Variants in PTPRK observed in about 807,000 individuals in gnomAD.
PTPRK encodes protein tyrosine phosphatase receptor type K.
In PTPRK, 75 loss-of-function variants were observed where a neutral mutation model predicts 178.0. That is an observed-to-expected ratio of 0.42 (90% CI 0.35 to 0.51). PTPRK has a LOEUF of 0.51. PTPRK is among the 20% of genes least tolerant of loss of function. PTPRK has a pLI of 0.02. For missense variants in PTPRK, 1,441 were observed against 1,797.8 expected (o/e 0.80, Z 3.59); for synonymous variants, 637 against 620.6 (o/e 1.03, Z -0.39).
chr6:128,339,132 C>G (rs1273762415), intron 2 of PTPRK, among the ~76,000 whole-genome samples: 2 of 152,074 alleles, frequency 1.3e-5, no homozygotes, highest in Admixed American at 1.3e-4. Flanking sequence ...ATGTAGCAAT[C>G]TGATTACAAA....
At chr6:128,006,690 G>A (rs1778460003) in intron 14 of PTPRK, among the ~76,000 whole-genome samples, 1 of 150,832 alleles carries the variant, frequency 6.6e-6, no homozygotes. Flanking sequence ...TTATGTTTGA[G>A]TTATTAATGT....
chr6:128,320,252 T>C (rs1256071541), intron 3 of PTPRK, among the ~76,000 whole-genome samples: 1 of 152,162 alleles, frequency 6.6e-6, no homozygotes, highest in Non-Finnish European at 1.5e-5. Flanking sequence ...TGTAACTTAA[T>C]AGTAGAATTA....
chr6:128,478,812 G>C (rs1055457514), intron 1 of PTPRK, among the ~76,000 whole-genome samples: 1 of 152,086 alleles, frequency 6.6e-6, no homozygotes, highest in Non-Finnish European at 1.5e-5. Context: ...AGCATCTCCA[G>C]TTTTAGGTTA....
At chr6:128,306,191 C>G (rs1826351112) in intron 3 of PTPRK, among the ~76,000 whole-genome samples, 1 of 152,082 alleles carries the variant, frequency 6.6e-6, no homozygotes, top group South Asian at 2.1e-4. Flanking sequence ...CTAACCATAC[C>G]AGGGAATAAA....
At chr6:127,973,266 C>T (rs988200224) in intron 28 of PTPRK, 109 bp from the exon 29 acceptor site, 1 of 1,518,866 alleles carries the variant, frequency 6.6e-7, no homozygotes, top group East Asian at 2.3e-5. Context: ...AATTGTTTTC[C>T]ATTTGTGTCT....
At chr6:128,053,767 G>A (rs145856152) in intron 13 of PTPRK, among the ~76,000 whole-genome samples, 123 of 152,190 alleles carry the variant, frequency 8.1e-4, no homozygotes, top group African/African-American at 2.8e-3. Flanking sequence ...TCCTCCATCC[G>A]ACTCAGGCTC....
At chr6:128,186,806 A>G (rs2114705434) in intron 6 of PTPRK, among the ~76,000 whole-genome samples, 1 of 152,234 alleles carries the variant, frequency 6.6e-6, no homozygotes, top group Non-Finnish European at 1.5e-5. Context: ...CCCTAAACTA[A>G]AATGAAACTG....
chr6:128,432,319 T>C (rs950231593), intron 1 of PTPRK, among the ~76,000 whole-genome samples: 1 of 152,246 alleles, frequency 6.6e-6, no homozygotes, highest in South Asian at 2.1e-4. Flanking sequence ...GAATTACTAC[T>C]GCAGTATATA....
chr6:128,000,201 AG>A, intron 15 of PTPRK: 1 of 1,082,952 alleles, frequency 9.2e-7, no homozygotes, highest in Non-Finnish European at 1.1e-6. Context: ...TGCATACTGT[AG>A]AGAATGATAT....
chr6:128,342,028 G>A (rs921889951), intron 2 of PTPRK, among the ~76,000 whole-genome samples: 3 of 152,074 alleles, frequency 2.0e-5, no homozygotes, highest in African/African-American at 7.2e-5. Flanking sequence ...CAAGGCTGGC[G>A]GATCACCTGA....
At chr6:128,393,151 G>T (rs1349447965) in intron 2 of PTPRK, among the ~76,000 whole-genome samples, 2 of 149,796 alleles carry the variant, frequency 1.3e-5, no homozygotes, top group Admixed American at 6.7e-5. Context: ...CAGTGCAGTG[G>T]CCTGATCTCG....
chr6:128,179,082 T>TA (rs1265531249), intron 7 of PTPRK, among the ~76,000 whole-genome samples: 1 of 152,010 alleles, frequency 6.6e-6, no homozygotes, highest in Non-Finnish European at 1.5e-5. Context: ...TGAACCCATC[T>TA]ATTTTCAGAA....
chr6:128,149,330 T>C (rs1796941185), intron 7 of PTPRK, among the ~76,000 whole-genome samples: 1 of 151,802 alleles, frequency 6.6e-6, no homozygotes, highest in South Asian at 2.1e-4. Flanking sequence ...AAATATGGCA[T>C]ATCATGGTTA....
chr6:128,319,922 TAC>T (rs1199762524), intron 3 of PTPRK, among the ~76,000 whole-genome samples: 1 of 152,168 alleles, frequency 6.6e-6, no homozygotes, highest in African/African-American at 2.4e-5. Flanking sequence ...GAATAAAAAG[TAC>T]TCTGTTGTTT....
At chr6:128,191,418 C>T (rs765851557) in intron 6 of PTPRK, among the ~76,000 whole-genome samples, 2 of 151,494 alleles carry the variant, frequency 1.3e-5, no homozygotes, top group African/African-American at 2.4e-5. Flanking sequence ...AGGGGCAGGG[C>T]GGGGAGTTTG....
At chr6:128,493,930 C>T (rs1031298444) in intron 1 of PTPRK, among the ~76,000 whole-genome samples, 1 of 152,170 alleles carries the variant, frequency 6.6e-6, no homozygotes, top group Admixed American at 6.5e-5. Context: ...ATCTACATGT[C>T]CATTTCTCCA....
At chr6:128,014,311 C>T (rs924279613) in intron 13 of PTPRK, among the ~76,000 whole-genome samples, 1 of 151,590 alleles carries the variant, frequency 6.6e-6, no homozygotes, top group Non-Finnish European at 1.5e-5. Context: ...TATCACCAAA[C>T]CAATGTGCAA....
At chr6:128,254,585 A>G (rs1235404257) in intron 3 of PTPRK, among the ~76,000 whole-genome samples, 1 of 152,224 alleles carries the variant, frequency 6.6e-6, no homozygotes, top group Non-Finnish European at 1.5e-5. Context: ...TCTTTGCAGA[A>G]GATGAACTCA....
chr6:128,124,901 C>T (rs1017109718), intron 7 of PTPRK, among the ~76,000 whole-genome samples: 4 of 152,176 alleles, frequency 2.6e-5, no homozygotes, highest in African/African-American at 9.7e-5. Flanking sequence ...GAGCCTGCTG[C>T]CCTTTGAACT....
Sources: allele counts gnomAD v4.1 joint callset (sites outside exome capture counted in the v4.1 genomes callset), GRCh38; gene constraint gnomAD v4.1.1; transcripts MANE v1.5; gene names NCBI Gene and HGNC (gene_info 2026-07-23, HGNC 2026-07-21).